NPIPB2: variants seen among roughly 807,000 people sequenced by gnomAD.
NPIPB2 encodes the protein nuclear pore complex-interacting protein family member B2.
In NPIPB2, 27 loss-of-function variants were observed where a neutral mutation model predicts 30.8. That is an observed-to-expected ratio of 0.88 (90% CI 0.65 to 1.21). The LOEUF is 1.21. NPIPB2 is among the 50% of genes most tolerant of loss of function. The pLI is 0.00. For missense variants in NPIPB2, 440 were observed against 446.2 expected (o/e 0.99, Z 0.13); for synonymous variants, 147 against 162.0 (o/e 0.91, Z 0.70).
chr16:11,951,888 G>A (rs576353274), intron 1 of NPIPB2, among the ~76,000 whole-genome samples: 3 of 151,882 alleles, frequency 2.0e-5, no homozygotes, highest in Non-Finnish European at 4.4e-5. Context: ...GGCTGGGCGC[G>A]GTGGCTCACG....
upstream of NPIPB2, chr16:11,942,109 A>C (rs1465469840): frequency 6.2e-5 from 95 of 1,532,136 alleles, 1 homozygote; most frequent in East Asian, 2.3e-3. Context: ...CCATCTGTCC[A>C]TCAACCTGTA....
At chr16:11,972,799 G>A (rs1232173713) in intron 1 of NPIPB2, among the ~76,000 whole-genome samples, 1 of 151,782 alleles carries the variant, frequency 6.6e-6, no homozygotes, top group Non-Finnish European at 1.5e-5. Context: ...AGGAGATGGA[G>A]GTTGCAGTGA....
At chr16:11,965,025 G>A in intron 1 of NPIPB2, 1 of 415,932 alleles carries the variant, frequency 2.4e-6, no homozygotes, top group South Asian at 3.8e-5. Flanking sequence ...TCACCTGGCT[G>A]AGAAATTTCT....
chr16:11,938,176 G>A (rs2054892743), intron 1 of NPIPB2, among the ~76,000 whole-genome samples: 1 of 151,722 alleles, frequency 6.6e-6, no homozygotes, highest in Non-Finnish European at 1.5e-5. Context: ...CTGCCACCAT[G>A]CCCGACTAAT....
chr16:11,966,442 C>G, intron 1 of NPIPB2: 1 of 1,227,528 alleles, frequency 8.1e-7, no homozygotes, highest in African/African-American at 1.5e-5. Flanking sequence ...CACTTCGTTA[C>G]AGCCCTTTCG....
chr16:11,951,712 G>GT (rs1190375947), intron 1 of NPIPB2, among the ~76,000 whole-genome samples: 1 of 150,682 alleles, frequency 6.6e-6, no homozygotes, highest in Non-Finnish European at 1.5e-5. Context: ...AAGGGAAAAG[G>GT]TTTTTTATGG....
intron 1 of NPIPB2, chr16:11,967,978 C>A: frequency 9.9e-7 from 1 of 1,012,274 alleles, no homozygotes; most frequent in Non-Finnish European, 1.4e-6. Context: ...TGTGGAAACT[C>A]TTTATGTTAG....
chr16:11,942,969 T>C (rs1251681369), upstream of NPIPB2, among the ~76,000 whole-genome samples: 3 of 151,932 alleles, frequency 2.0e-5, no homozygotes, highest in Non-Finnish European at 4.4e-5. Flanking sequence ...ATGCTACAAA[T>C]GGAAAGCCAA....
At chr16:11,968,914 T>C (rs2055217371) in intron 1 of NPIPB2, among the ~76,000 whole-genome samples, 1 of 151,682 alleles carries the variant, frequency 6.6e-6, no homozygotes, top group Non-Finnish European at 1.5e-5. Context: ...TTGCCCAGGC[T>C]GGAGTGCAGT....
intron 4 of NPIPB2, among the ~76,000 whole-genome samples, 187 bp from the exon 5 acceptor site, chr16:11,930,738 ACACT>A (rs1193925527): frequency 3.9e-5 from 5 of 129,650 alleles, no homozygotes; most frequent in African/African-American, 1.5e-4. Context: ...AAAAAAAGTC[ACACT>A]CTGGCCTGCT....
chr16:11,961,446 T>C (rs1433003935), intron 1 of NPIPB2, among the ~76,000 whole-genome samples: 1 of 152,216 alleles, frequency 6.6e-6, no homozygotes, highest in East Asian at 1.9e-4. Flanking sequence ...TTCTGCATTT[T>C]ATTTTCATGA....
chr16:11,959,010 G>A (rs1011899198), intron 1 of NPIPB2, among the ~76,000 whole-genome samples: 5 of 152,194 alleles, frequency 3.3e-5, no homozygotes, highest in Admixed American at 3.3e-4. Flanking sequence ...GAGGGGTTTA[G>A]TTTGCCCCTG....
chr16:11,975,380 C>T (rs2055276402), intron 1 of NPIPB2, among the ~76,000 whole-genome samples: 1 of 150,316 alleles, frequency 6.7e-6, no homozygotes, highest in Non-Finnish European at 1.5e-5. Context: ...ATCTCCTGAC[C>T]TCGTGATCCG....
Position 11,948,979 on chromosome 16 carries a change from A to T in NPIPB2, c.-583-6865T>A, listed in dbSNP as rs1474153893. The stretch of plus-strand genomic sequence containing the variant: ...ATAGCAAGACACTGTCTCTACAAAA[A>T]ATTTGAAAATTAGCTGGGTGTGGTG... On this transcript the variant is annotated intron_variant, in intron 1 of 5. Transcript: ENST00000538896. Among the ~76,000 whole-genome samples, 4 of 151,312 alleles carry T rather than the reference A, an allele frequency of 2.6e-5. 1 individual carries two copies. The highest frequency in any genetic ancestry group is 9.7e-5 in the African/African-American group (4 of 41,184).
intron 1 of NPIPB2, among the ~76,000 whole-genome samples, chr16:11,964,570 A>C (rs2055178615): frequency 6.6e-6 from 1 of 152,098 alleles, no homozygotes; most frequent in Non-Finnish European, 1.5e-5. Context: ...GCCTGCCACC[A>C]TGCCTGACTA....
At chr16:11,931,486 C>G (rs1418012913) in intron 4 of NPIPB2, among the ~76,000 whole-genome samples, 1 of 151,876 alleles carries the variant, frequency 6.6e-6, no homozygotes, top group African/African-American at 2.4e-5. Flanking sequence ...GAACTTGTTT[C>G]TGACCACAAG....
chr16:11,975,348 C>T (rs939795535), intron 1 of NPIPB2, among the ~76,000 whole-genome samples: 4 of 147,332 alleles, frequency 2.7e-5, no homozygotes, highest in Non-Finnish European at 4.5e-5. Context: ...GGGGTTTCAC[C>T]GTTTTAGCCG....
chr16:11,950,530 G>A (rs1191216289), intron 1 of NPIPB2, among the ~76,000 whole-genome samples: 1 of 152,078 alleles, frequency 6.6e-6, no homozygotes, highest in Non-Finnish European at 1.5e-5. Flanking sequence ...TCTCTTCTGA[G>A]GAAAGGAGGA....
intron 1 of NPIPB2, among the ~76,000 whole-genome samples, chr16:11,953,462 T>G (rs555386965): frequency 1.3e-5 from 2 of 152,246 alleles, no homozygotes; most frequent in South Asian, 2.1e-4. Context: ...GCGATTCTCC[T>G]GCCTCAGCCT....
Sources: allele counts gnomAD v4.1 joint callset (sites outside exome capture counted in the v4.1 genomes callset), GRCh38; gene constraint gnomAD v4.1.1; transcripts MANE v1.5; gene names NCBI Gene and HGNC (gene_info 2026-07-23, HGNC 2026-07-21).